Variants in PCDH7 observed in about 807,000 individuals in gnomAD.
The protein encoded by PCDH7 is protocadherin-7.
Under a neutral mutation model 58.9 loss-of-function variants are expected in PCDH7, and 17 were observed. The observed-to-expected ratio is 0.29, with a 90% CI of 0.20 to 0.43. The LOEUF is 0.43. Ranked by LOEUF, PCDH7 falls within the 20% of genes least tolerant of loss-of-function variation. The pLI, the probability that PCDH7 is intolerant of heterozygous loss-of-function variation, is 1.00. For synonymous variants in PCDH7, 664 were observed against 616.4 expected, an observed-to-expected ratio of 1.08 and a Z score of -1.14; for missense variants, 1,274 against 1,441.0, an observed-to-expected ratio of 0.88 and a Z score of 1.88.
In PCDH7 at chr4:31,097,587, C is replaced by CATATAT. The variant is rs1190443409; in HGVS notation, c.*8-44840_*8-44835dup. 4.8e-3 allele frequency among the ~76,000 whole-genome samples: 193 copies of CATATAT among 39,956 alleles called. 15 individuals carry two copies. Among genetic ancestry groups the CATATAT allele is most frequent in the Non-Finnish European group, 7.7e-3 (144 of 18,726 alleles). The allele number at this position is 39,956 out of a possible 152,430, so 26.2% of individuals were successfully genotyped here. Reference sequence around the variant, plus strand: ...TGTGGCTGTTTTTCCTCCAAATATACATATATATATATATATATATATATA... The same window carrying CATATAT: ...TGTGGCTGTTTTTCCTCCAAATATACATATATATATATATATATATATATATATATA... On this transcript the variant is annotated intron_variant, in intron 3 of 3. Coordinates refer to the PCDH7 transcript ENST00000509759.
At chr4:30,956,931 T>A (rs1386364674) in intron 3 of PCDH7, among the ~76,000 whole-genome samples, 1 of 152,204 alleles carries the variant, frequency 6.6e-6, no homozygotes, top group African/African-American at 2.4e-5. Flanking sequence ...CTAGGTAGCA[T>A]AGGCTGCTGT....
rs539185734 is a variant in PCDH7, at chr4:30,855,070, A to G, written c.71-65083A>G. 4.6e-5 allele frequency among the ~76,000 whole-genome samples: 7 copies of G among 152,244 alleles called. No individual in the cohort carries two copies. The East Asian group carries it at 1.4e-3, about 29-fold the overall frequency. ...AAAGCATTTGCCTTCTGAAGGCGGA[A>G]GGCTCATTGCTAATTTTCAGTGTTC... On this transcript the variant is annotated intron_variant, in intron 1 of 3. Transcript: ENST00000509759.
Position 30,723,756 on chromosome 4 carries a change from C to G in PCDH7, c.2334C>G (p.Asp778Glu), listed in dbSNP as rs769671529. The G allele has an allele frequency of 5.0e-6, 8 of 1,614,078 alleles. No homozygotes were observed. The highest frequency in any genetic ancestry group is 6.8e-6 in the Non-Finnish European group (8 of 1,180,012). The stretch of plus-strand genomic sequence containing the variant: ...ACAGTGATGATGGCATCAATGCAGA[C>G]CTGAACTACAGCATTGTGGGAGGAA... Residue 778 changes from aspartate (D) to glutamate (E), a missense_variant, in exon 1 of 2, where the codon GAC becomes GAG. By Grantham distance (45) the Asp-to-Glu change is conservative. Around this residue, in one of 3 missense-constraint regions of PCDH7, gnomAD observed 731 missense variants for 881.9 expected, o/e 0.83. Transcript: ENST00000361762. This position sits in a 1 kb window ranked among gnomAD's most constrained non-coding sequence, Gnocchi z 4.6.
At chr4:30,761,321 T>A (rs941375126) in intron 1 of PCDH7, among the ~76,000 whole-genome samples, 1 of 152,204 alleles carries the variant, frequency 6.6e-6, no homozygotes, top group Non-Finnish European at 1.5e-5. Flanking sequence ...GCTCTTCTTA[T>A]GAAAATACTC....
intron 1 of PCDH7, among the ~76,000 whole-genome samples, chr4:30,907,236 C>G (rs1741065638): frequency 6.6e-6 from 1 of 151,998 alleles, no homozygotes; most frequent in Admixed American, 6.6e-5. Flanking sequence ...TCCTTGGCAA[C>G]AAAAGCCAAA....
chr4:30,946,186 A>G (rs1212867984), intron 2 of PCDH7, among the ~76,000 whole-genome samples: 3 of 152,144 alleles, frequency 2.0e-5, no homozygotes, highest in Non-Finnish European at 4.4e-5. Flanking sequence ...AAGGAAAACA[A>G]TACTGTCATC....
At chr4:31,110,635 G>C (rs1342277345) in intron 3 of PCDH7, among the ~76,000 whole-genome samples, 1 of 152,104 alleles carries the variant, frequency 6.6e-6, no homozygotes, top group African/African-American at 2.4e-5. Flanking sequence ...TGAATACCAG[G>C]CCGGGCGCGG....
intron 1 of PCDH7, among the ~76,000 whole-genome samples, chr4:30,885,434 A>C (rs1737578879): frequency 6.6e-6 from 1 of 152,148 alleles, no homozygotes; most frequent in Non-Finnish European, 1.5e-5. Flanking sequence ...TAATATTGGC[A>C]CATGGTTCCT....
intron 2 of PCDH7, among the ~76,000 whole-genome samples, chr4:30,946,092 G>A (rs12508739): frequency 0.48 from 73,284 of 151,990 alleles, 17,900 homozygotes; most frequent in African/African-American, 0.56. Flanking sequence ...GGGAAAGTTC[G>A]AGAGTCAGAC....
At chr4:30,898,613 G>T (rs73812667) in intron 1 of PCDH7, among the ~76,000 whole-genome samples, 2 of 151,958 alleles carry the variant, frequency 1.3e-5, no homozygotes, top group African/African-American at 4.8e-5. Context: ...TTTTTTGAAA[G>T]GAAATCTTGC....
chr4:31,056,458 G>GAAAAAGAAAGAAGGAAAGA (rs376643176), intron 3 of PCDH7, among the ~76,000 whole-genome samples: 1 of 83,156 alleles, frequency 1.2e-5, no homozygotes, highest in African/African-American at 5.7e-5. Flanking sequence ...AAGAAAGAAA[G>GAAAAAGAAAGAAGGAAAGA]AAGAAAGAAA....
At chr4:30,868,678 C>G (rs886456860) in intron 1 of PCDH7, among the ~76,000 whole-genome samples, 1 of 151,940 alleles carries the variant, frequency 6.6e-6, no homozygotes, top group African/African-American at 2.4e-5. Context: ...GACCTAATAT[C>G]AAGAATTCTT....
At chr4:30,915,466 C>T (rs989010721) in intron 1 of PCDH7, among the ~76,000 whole-genome samples, 5 of 152,088 alleles carry the variant, frequency 3.3e-5, no homozygotes, top group African/African-American at 4.8e-5. Context: ...GGAAATGTTA[C>T]GCTTCCTTGA....
chr4:31,108,592 C>A (rs890096301), intron 3 of PCDH7, among the ~76,000 whole-genome samples: 1 of 152,108 alleles, frequency 6.6e-6, no homozygotes, highest in Non-Finnish European at 1.5e-5. Flanking sequence ...GCACCTATCT[C>A]ACAGCTGGAA....
chr4:31,142,938 A>G (rs1720434493), exon 4 of PCDH7: 1 of 977,088 alleles, frequency 1.0e-6, no homozygotes, highest in Non-Finnish European at 1.4e-6. Flanking sequence ...TTTAATCACA[A>G]AGAGGGGGCT....
intron 3 of PCDH7, among the ~76,000 whole-genome samples, chr4:30,990,088 T>A (rs536183932): frequency 2.0e-5 from 3 of 152,222 alleles, no homozygotes. Context: ...TGAGTTCTAT[T>A]TGGCAGATTC....
chr4:30,957,469 A>G (rs1747977693), intron 3 of PCDH7, among the ~76,000 whole-genome samples: 1 of 152,180 alleles, frequency 6.6e-6, no homozygotes, highest in South Asian at 2.1e-4. Context: ...AACAACCAGG[A>G]AATGTGGATC....
intron 1 of PCDH7, among the ~76,000 whole-genome samples, chr4:30,771,876 C>T (rs565460934): frequency 6.6e-6 from 1 of 151,884 alleles, no homozygotes; most frequent in Admixed American, 6.6e-5. Flanking sequence ...TTCTTTCTTT[C>T]TTTTTTTTCT....
intron 1 of PCDH7, among the ~76,000 whole-genome samples, chr4:30,837,006 A>C (rs1264049761): frequency 1.3e-5 from 2 of 152,188 alleles, no homozygotes; most frequent in African/African-American, 4.8e-5. Flanking sequence ...TTGAGAAACC[A>C]GCTTTTGGTT....
Sources: allele counts gnomAD v4.1 joint callset (sites outside exome capture counted in the v4.1 genomes callset), GRCh38; gene constraint gnomAD v4.1.1; regional missense constraint gnomAD v4.1.1; non-coding constraint Gnocchi (gnomAD v3.1); transcripts MANE v1.5; gene names NCBI Gene and HGNC (gene_info 2026-07-23, HGNC 2026-07-21).